The following TCEA2 variants were observed in gnomAD, a reference collection of about 807,000 sequenced individuals.
The protein encoded by TCEA2 is transcription elongation factor A protein 2.
In TCEA2, 21 loss-of-function variants were observed where a neutral mutation model predicts 40.8. The ratio of observed to expected loss-of-function variants is 0.51; its 90% CI spans 0.36 to 0.74. TCEA2 has a LOEUF of 0.74. Among genes scored for constraint, TCEA2 ranks in the 30% least tolerant of loss-of-function variants. TCEA2 has a pLI of 0.00. For missense variants in TCEA2, 326 were observed against 426.5 expected (o/e 0.76, Z 2.08); for synonymous variants, 165 against 162.7 (o/e 1.01, Z -0.11).
chr20:64,066,804 C>T (rs1409385940), intron 2 of TCEA2, 111 bp from the exon 3 acceptor site: 16 of 1,111,934 alleles, frequency 1.4e-5, no homozygotes, highest in Admixed American at 2.0e-5. Context: ...CCTCTACCTC[C>T]CTGGGAGGTC....
chr20:64,069,614 G>T, intron 5 of TCEA2, 123 bp downstream of exon 5: 1 of 1,537,530 alleles, frequency 6.5e-7, no homozygotes, highest in Non-Finnish European at 8.8e-7. Flanking sequence ...CATTGCTGTG[G>T]CCCTGGCAGG....
intron 1 of TCEA2, chr20:64,057,708 C>T (rs924387348): frequency 6.6e-6 from 1 of 152,232 alleles, no homozygotes; most frequent in Admixed American, 6.5e-5. Context: ...AGCAAGGTCC[C>T]AGAAGTCCAG....
chr20:64,056,003 C>T (rs910337694), upstream of TCEA2, among the ~76,000 whole-genome samples: 12 of 152,054 alleles, frequency 7.9e-5, no homozygotes, highest in Non-Finnish European at 7.4e-5. Context: ...GTGGAGTGGC[C>T]GCCAGGCTGG....
In TCEA2 at chr20:64,058,007, C is replaced by G. The variant is rs1221487578; in HGVS notation, c.-84+356C>G. 1.3e-5 allele frequency among the ~76,000 whole-genome samples: 2 copies of G among 152,190 alleles called. No individual in the cohort carries two copies. The highest frequency in any genetic ancestry group is 2.9e-5 in the Non-Finnish European group (2 of 68,016). On this transcript the variant is annotated intron_variant, in intron 1 of 10. Transcript: ENST00000361317. This position sits in a 1 kb window ranked among gnomAD's most constrained non-coding sequence, Gnocchi z 6.7. ...CCAGTCACCTGCCTCTGCCCGGGGG[C>G]GGGACCATCCCACCGGATTGCAGGT...
rs1198799698 is a variant in TCEA2 at position 64,070,332 on chromosome 20, A to G, written c.590A>G (p.Lys197Arg). Residue 197 changes from lysine to arginine, a missense_variant, in exon 7 of 10, where the codon AAG becomes AGG. Physicochemically the swap from Lys to Arg is conservative, Grantham distance 26 (BLOSUM62 2). Coordinates refer to ENST00000343484, the MANE Select transcript of TCEA2 (RefSeq NM_003195.6). Reference sequence around the variant, plus strand: ...GTACGGAGTCGTATCTCCAACCTGAAGGATGCCAAGAACCCTGACCTGCGG... The same window carrying G: ...GTACGGAGTCGTATCTCCAACCTGAGGGATGCCAAGAACCCTGACCTGCGG... ...NRVRSRISNLKDAKNPDLRRN... is the reference protein window; with the variant it reads ...NRVRSRISNLRDAKNPDLRRN... 8.1e-6 allele frequency: 13 copies of G among 1,614,098 alleles called. No individual in the cohort carries two copies. The highest frequency in any genetic ancestry group is 1.1e-5 in the Non-Finnish European group (13 of 1,180,026).
upstream of TCEA2, among the ~76,000 whole-genome samples, chr20:64,056,370 C>A (rs2059473364): frequency 6.6e-6 from 1 of 152,214 alleles, no homozygotes; most frequent in Non-Finnish European, 1.5e-5. Context: ...AGCCCCGTCG[C>A]TGCCCTGCTG....
intron 8 of TCEA2, among the ~76,000 whole-genome samples, 178 bp from the exon 9 acceptor site, chr20:64,071,692 A>T (rs1212343697): frequency 2.0e-5 from 3 of 152,126 alleles, no homozygotes; most frequent in Non-Finnish European, 2.9e-5. Flanking sequence ...CTGCCCCGAT[A>T]AACTCTGTCT....
At chr20:64,057,826 C>T (rs1040384748) in intron 1 of TCEA2, among the ~76,000 whole-genome samples, 2 of 152,192 alleles carry the variant, frequency 1.3e-5, no homozygotes, top group Non-Finnish European at 2.9e-5. Context: ...CTTCTCACCT[C>T]GGCCACTTCA....
rs1381558325 is a variant in TCEA2 at position 64,066,975 on chromosome 20, A to T, written c.196A>T (p.Ile66Phe). The change falls in exon 3 of 10, where the codon ATT (isoleucine) becomes TTT (phenylalanine). Residue 66 changes from isoleucine to phenylalanine, a missense_variant. By Grantham distance (21) the Ile-to-Phe change is conservative. Coordinates refer to ENST00000343484, the MANE Select transcript of TCEA2 (RefSeq NM_003195.6). ...GAAGCAGAGCTCGGATGAGGAGGTCATTGCACTGGCCAAGTCTCTCATCAA... is the reference window on the plus strand; with the variant it reads ...GAAGCAGAGCTCGGATGAGGAGGTCTTTGCACTGGCCAAGTCTCTCATCAA... Reference protein sequence around the residue: ...LRKQSSDEEVIALAKSLIKSW... With the variant: ...LRKQSSDEEVFALAKSLIKSW... 1 of 1,613,864 alleles carries T rather than the reference A, an allele frequency of 6.2e-7. No homozygotes were observed. Among genetic ancestry groups the T allele is most frequent in the Admixed American group, 1.7e-5 (1 of 60,018 alleles).
rs749765942 is a variant in TCEA2 at position 64,069,805 on chromosome 20, G to A, written c.501G>A (p.Ser167=). 8.1e-6 allele frequency: 13 copies of A among 1,613,914 alleles called. No individual in the cohort carries two copies. The highest frequency in any genetic ancestry group is 2.2e-5 in the East Asian group (1 of 44,886). Residue 167 remains serine, a synonymous_variant, in exon 6 of 10, where the codon TCG becomes TCA. Coordinates refer to ENST00000343484, the MANE Select transcript of TCEA2 (RefSeq NM_003195.6). ...TCGGTGCGGACTGCGAGCGCCTGTC[G>A]GCTCAGATCGAGGAATATATCCTTT... ...VAIGADCERL[S]AQIEECIFRD...
chr20:64,056,437 G>A (rs1221880998), upstream of TCEA2, among the ~76,000 whole-genome samples: 1 of 152,166 alleles, frequency 6.6e-6, no homozygotes, highest in East Asian at 1.9e-4. Flanking sequence ...GCTCGGCAGA[G>A]CCCCCAAGGT....
At position 64,066,935 on chromosome 20, in the gene TCEA2, T is replaced by C. The variant is rs757459212; in HGVS notation, c.156T>C (p.Ser52=). ...HLLQSTRVGM[S]VNALRKQSSD... Reference sequence around the variant, plus strand: ...CGTAGTCCACCCGAGTCGGGATGTCTGTCAACGCCCTTCGGAAGCAGAGCT... The same window carrying C: ...CGTAGTCCACCCGAGTCGGGATGTCCGTCAACGCCCTTCGGAAGCAGAGCT... The change falls in exon 3 of 10, where the codon TCT becomes TCC. Residue 52 remains serine, a synonymous_variant. Transcript: ENST00000343484. 6.2e-7 allele frequency: 1 copy of C among 1,614,028 alleles called. No individual in the cohort carries two copies. Among genetic ancestry groups the C allele is most frequent in the Non-Finnish European group, 8.5e-7 (1 of 1,179,968 alleles).
rs779879110 is a variant in TCEA2, at chr20:64,058,109, T to G, written c.-84+458T>G. Among the ~76,000 whole-genome samples the G allele has an allele frequency of 1.6e-4, 25 of 152,186 alleles. No homozygotes were observed. Among genetic ancestry groups the G allele is most frequent in the Non-Finnish European group, 3.4e-4 (23 of 68,010 alleles). On this transcript the variant is annotated intron_variant, in intron 1 of 10. Transcript: ENST00000361317. This position sits in a 1 kb window ranked among gnomAD's most constrained non-coding sequence, Gnocchi z 6.7. The stretch of plus-strand genomic sequence containing the variant: ...CACGCAGGACTAGAGCATGTCAGGG[T>G]TCGGGGCTCCTGTCATAGCGGAGTG...
chr20:64,057,132 G>A (rs1468322482), upstream of TCEA2: 1 of 152,144 alleles, frequency 6.6e-6, no homozygotes, highest in Admixed American at 6.5e-5. Context: ...TCACCCTGTG[G>A]CAGCTCCTAG....
At chr20:64,056,329 G>T (rs568115147), upstream of TCEA2, among the ~76,000 whole-genome samples, 1 of 152,196 alleles carries the variant, frequency 6.6e-6, no homozygotes, top group African/African-American at 2.4e-5. Context: ...CTCTGCTGGC[G>T]CATGGGACAG....
intron 1 of TCEA2, chr20:64,063,762 C>G (rs942152614): frequency 4.4e-6 from 1 of 227,638 alleles, no homozygotes; most frequent in African/African-American, 2.3e-5. Context: ...CCTCTCGGAG[C>G]CCCCGGGGTG....
intron 1 of TCEA2, among the ~76,000 whole-genome samples, chr20:64,064,861 G>A (rs745307958): frequency 6.0e-5 from 9 of 150,930 alleles, no homozygotes; most frequent in Non-Finnish European, 8.8e-5. Context: ...GAGATGACCC[G>A]AGAATGGAGT....
chr20:64,069,932 C>T, intron 6 of TCEA2, 111 bp downstream of exon 6: 1 of 1,373,746 alleles, frequency 7.3e-7, no homozygotes, highest in Non-Finnish European at 1.0e-6. Flanking sequence ...GTCCAGGGGT[C>T]ACCTGCCTGG....
chr20:64,063,540 G>A, intron 1 of TCEA2, 156 bp downstream of exon 1: 1 of 867,774 alleles, frequency 1.2e-6, no homozygotes, highest in Non-Finnish European at 1.7e-6. Flanking sequence ...ACCCCCACCC[G>A]TGGCCGAGAC....
Sources: gnomAD v4.1 joint callset for allele counts (sites outside exome capture counted in the v4.1 genomes callset) on GRCh38, gnomAD v4.1.1 for gene constraint, Gnocchi (gnomAD v3.1) non-coding constraint, MANE v1.5 for transcripts, NCBI Gene and HGNC (gene_info 2026-07-23, HGNC 2026-07-21) for gene names.